LCT: variants seen among roughly 807,000 people sequenced by gnomAD.
LCT encodes lactase/phlorizin hydrolase.
Under a neutral mutation model 173.0 loss-of-function variants are expected in LCT, and 90 were observed. The ratio of observed to expected loss-of-function variants is 0.52; its 90% CI spans 0.44 to 0.62. The LOEUF (loss-of-function observed/expected upper bound fraction) is 0.62. Among genes scored for constraint, LCT ranks in the 20% least tolerant of loss-of-function variants. The pLI is 0.00. For missense variants in LCT, 1,864 were observed against 2,431.4 expected, an observed-to-expected ratio of 0.77 and a Z score of 4.91; for synonymous variants, 853 against 957.6, an observed-to-expected ratio of 0.89 and a Z score of 2.02.
At chr2:135,793,669 A>G (rs1284541828) in intron 14 of LCT, among the ~76,000 whole-genome samples, 1 of 152,252 alleles carries the variant, frequency 6.6e-6, no homozygotes, top group Non-Finnish European at 1.5e-5. Flanking sequence ...TGATTATTAA[A>G]CTACTCAAGG....
chr2:135,800,904 G>A, intron 11 of LCT, 95 bp from the exon 12 acceptor site: 1 of 960,626 alleles, frequency 1.0e-6, no homozygotes, highest in Non-Finnish European at 1.6e-6. Context: ...TCTGTGTTTG[G>A]GAGAAGGGGT....
At position 135,809,026 on chromosome 2, in the gene LCT, C is replaced by T. The variant is rs139647483; in HGVS notation, c.3321G>A (p.Thr1107=). Residue 1107 remains threonine, a synonymous_variant, in exon 8 of 17, where the codon ACG becomes ACA. Coordinates refer to ENST00000264162, the MANE Select transcript of LCT (RefSeq NM_002299.4). The surrounding 1 kb of genome is among the most constrained non-coding windows in gnomAD (Gnocchi z 5.5). ...GCTCCTGCCTGTATTTCTCATCGTACGTGTGATAGACTCTGGCATGGGCTT... is the reference window on the plus strand; with the variant it reads ...GCTCCTGCCTGTATTTCTCATCGTATGTGTGATAGACTCTGGCATGGGCTT... ...VIKAHARVYH[T]YDEKYRQEQK... The T allele has an allele frequency of 9.9e-6, 16 of 1,611,658 alleles. No homozygotes were observed. The highest frequency in any genetic ancestry group is 1.3e-5 in the African/African-American group (1 of 74,826).
chr2:135,817,387 C>T lies in LCT; in HGVS notation c.1661G>A (p.Gly554Asp). The change falls in exon 6 of 17, where the codon GGC becomes GAC. Residue 554 changes from glycine (G) to aspartate (D), a missense_variant. Transcript: ENST00000264162. ...GTCAGAGATGCCGGGAGGGTGCTGG[C>T]CGGTGCCATAGCCTGCGTAGCTCAT... ...WVMSYAGYGT[G>D]QHPPGISDPG... 1 of 1,614,094 alleles carries T rather than the reference C, an allele frequency of 6.2e-7. No individual in the cohort carries two copies. Among genetic ancestry groups the T allele is most frequent in the Non-Finnish European group, 8.5e-7 (1 of 1,179,980 alleles).
chr2:135,788,374 C>T lies in LCT; in HGVS notation c.5734G>A (p.Gly1912Arg). ...SYKYCKRSKQ[G>R]KTQRSQQELS... ...TCCTGTTGGCTTCGTTGTGTTTTCC[C>T]TTGCTTAGAGCGCTTGCAGTACTTG... The change falls in exon 17 of 17, where the codon GGG becomes AGG. Residue 1912 changes from glycine to arginine, a missense_variant. By Grantham distance (125) the Gly-to-Arg change is moderately radical. Transcript: ENST00000264162. 6.2e-7 allele frequency: 1 copy of T among 1,614,190 alleles called. No individual in the cohort carries two copies. The highest frequency in any genetic ancestry group is 8.5e-7 in the Non-Finnish European group (1 of 1,180,046).
In LCT at chr2:135,829,686, G is replaced by T; in HGVS notation, c.721-10C>A. 1 of 1,588,802 alleles carries T rather than the reference G, an allele frequency of 6.3e-7. No individual in the cohort carries two copies. Among genetic ancestry groups the T allele is most frequent in the Non-Finnish European group, 8.6e-7 (1 of 1,157,160 alleles). On this transcript the variant is annotated splice_polypyrimidine_tract_variant and intron_variant, in intron 2 of 16. Coordinates refer to ENST00000264162, the MANE Select transcript of LCT (RefSeq NM_002299.4). Reference sequence around the variant, plus strand: ...GGAAATCGACCGTGTCCTGAAAATAGTAGTTAAATAGGGTCATTAGAACCT... The same window carrying T: ...GGAAATCGACCGTGTCCTGAAAATATTAGTTAAATAGGGTCATTAGAACCT...
chr2:135,836,099 A>G (rs1445316491), intron 1 of LCT, among the ~76,000 whole-genome samples: 1 of 150,050 alleles, frequency 6.7e-6, no homozygotes, highest in Non-Finnish European at 1.5e-5. Context: ...GCTCACTGCA[A>G]CATCTGCCTC....
chr2:135,804,263 C>G, intron 10 of LCT, 135 bp from the exon 11 acceptor site: 1 of 769,202 alleles, frequency 1.3e-6, no homozygotes, highest in Non-Finnish European at 2.2e-6. Flanking sequence ...AGATTTTTTT[C>G]TTTTTCTTTT....
intron 5 of LCT, among the ~76,000 whole-genome samples, chr2:135,821,456 C>G (rs932274860): frequency 4.6e-5 from 7 of 152,122 alleles, no homozygotes; most frequent in Middle Eastern, 3.2e-3. Context: ...TATCTTTAAC[C>G]TGGCCACTCT....
chr2:135,809,664 T>C lies in LCT; in HGVS notation c.2683A>G (p.Arg895Gly). Residue 895 changes from arginine (R) to glycine (G), a missense_variant, in exon 8 of 17, where the codon AGA (arginine) becomes GGA (glycine). By Grantham distance (125) the Arg-to-Gly change is moderately radical. Coordinates refer to ENST00000264162, the MANE Select transcript of LCT (RefSeq NM_002299.4). This position sits in a 1 kb window ranked among gnomAD's most constrained non-coding sequence, Gnocchi z 5.5. Reference protein sequence around the residue: ...EKFSSQPKFERDLFYHGTFRD... With the variant: ...EKFSSQPKFEGDLFYHGTFRD... ...AACGTCCCGTGGTAGAACAAATCTC[T>C]TTCGAACTTGGGTTGGCTGGAGAAC... 1 of 1,614,036 alleles carries C rather than the reference T, an allele frequency of 6.2e-7. No homozygotes were observed. The highest frequency in any genetic ancestry group is 8.5e-7 in the Non-Finnish European group (1 of 1,179,870).
At position 135,797,658 on chromosome 2, in the gene LCT, A is replaced by C. The variant is rs80038021; in HGVS notation, c.4976+371T>G. Among the ~76,000 whole-genome samples the C allele has an allele frequency of 0.01, 1,569 of 152,274 alleles. 97 individuals carry two copies. In the East Asian group the frequency reaches 0.18, roughly 18 times the overall value. ...GGTAAGGAAGGACGCTTTGGTGCAG[A>C]CCATCGCCACCTGCTGGCCAAGTGA... is the stretch of plus-strand genomic sequence containing the variant. On this transcript the variant is annotated intron_variant, in intron 13 of 16. Coordinates refer to ENST00000264162, the MANE Select transcript of LCT (RefSeq NM_002299.4).
intron 8 of LCT, 50 bp downstream of exon 8, chr2:135,808,393 C>T (rs1477915788): frequency 7.0e-7 from 1 of 1,421,592 alleles, no homozygotes; most frequent in African/African-American, 1.4e-5. Context: ...AGGCATATGA[C>T]CCAGGGAATG....
rs748907176 is a variant in LCT, at chr2:135,817,774, G to A, written c.1274C>T (p.Thr425Met). Reference protein sequence around the residue: ...RPLNTTEGQATLEVASDSYHK... With the variant: ...RPLNTTEGQAMLEVASDSYHK... ...GTAACTGTCGCTGGCCACCTCCAGC[G>A]TCGCTTGGCCCTCAGTGGTGTTCAG... The change falls in exon 6 of 17, where the codon ACG becomes ATG. Residue 425 changes from threonine (T) to methionine (M), a missense_variant. By Grantham distance (81) the Thr-to-Met change is moderately conservative (BLOSUM62 -1). Transcript: ENST00000264162. 1.2e-5 allele frequency: 19 copies of A among 1,613,928 alleles called. No homozygotes were observed. The East Asian group carries it at 1.8e-4, about 15-fold the overall frequency.
In LCT at chr2:135,837,018, C is replaced by A. The variant is rs767941587; in HGVS notation, c.152G>T (p.Ser51Ile). ...HNLSGLLGDQ[S>I]SNFVAGDKDM... ...TTTGTCCCCTGCTACAAAGTTAGAACTCTGGTCTCCCAGGAGACCACTCAG... is the reference window on the plus strand; with the variant it reads ...TTTGTCCCCTGCTACAAAGTTAGAAATCTGGTCTCCCAGGAGACCACTCAG... Residue 51 changes from serine (S) to isoleucine (I), a missense_variant, in exon 1 of 17, where the codon AGT becomes ATT. Transcript: ENST00000264162. 2 of 1,614,092 alleles carry A rather than the reference C, an allele frequency of 1.2e-6. No homozygotes were observed. Among genetic ancestry groups the A allele is most frequent in the Non-Finnish European group, 1.7e-6 (2 of 1,180,008 alleles).
Position 135,809,469 on chromosome 2 carries a change from C to T in LCT, c.2878G>A (p.Asp960Asn), listed in dbSNP as rs763729737. 6.2e-7 allele frequency: 1 copy of T among 1,614,240 alleles called. No individual in the cohort carries two copies. Among genetic ancestry groups the T allele is most frequent in the South Asian group, 1.1e-5 (1 of 91,084 alleles). Reference sequence around the variant, plus strand: ...GCTCGGAGCATATTCAGATCGGCATCCAGCTGGTGATAGCTGTCACAGGCG... The same window carrying T: ...GCTCGGAGCATATTCAGATCGGCATTCAGCTGGTGATAGCTGTCACAGGCG... ...DIACDSYHQLDADLNMLRALK... is the reference protein window; with the variant it reads ...DIACDSYHQLNADLNMLRALK... Residue 960 changes from aspartate to asparagine, a missense_variant, in exon 8 of 17, where the codon GAT becomes AAT. This residue lies in a region of LCT where 755 missense variants were observed against 926.3 expected (regional missense o/e 0.82). Coordinates refer to ENST00000264162, the MANE Select transcript of LCT (RefSeq NM_002299.4). The surrounding 1 kb of genome is among the most constrained non-coding windows in gnomAD (Gnocchi z 5.5).
chr2:135,795,031 C>G (rs974150036), intron 13 of LCT, among the ~76,000 whole-genome samples: 1 of 79,248 alleles, frequency 1.3e-5, no homozygotes, highest in Non-Finnish European at 2.5e-5. Context: ...ACACACGCAC[C>G]CACGCGCGCG....
chr2:135,797,352 G>C (rs2077590277), intron 13 of LCT, among the ~76,000 whole-genome samples: 1 of 152,144 alleles, frequency 6.6e-6, no homozygotes, highest in Admixed American at 6.5e-5. Context: ...CAGCCTTGGA[G>C]CGGTGGGCAT....
chr2:135,808,374 A>G, intron 8 of LCT, 69 bp downstream of exon 8: 1 of 1,243,632 alleles, frequency 8.0e-7, no homozygotes, highest in Non-Finnish European at 1.2e-6. Flanking sequence ...CATCCCGGCA[A>G]AACATTTCAG....
intron 7 of LCT, among the ~76,000 whole-genome samples, chr2:135,810,635 G>A (rs1422453642): frequency 1.3e-5 from 2 of 151,524 alleles, no homozygotes; most frequent in African/African-American, 4.9e-5. Flanking sequence ...CCTTGTTTAT[G>A]TTTAGTAATA....
At chr2:135,828,934 T>C (rs1322953538) in intron 3 of LCT, among the ~76,000 whole-genome samples, 1 of 152,188 alleles carries the variant, frequency 6.6e-6, no homozygotes, top group Non-Finnish European at 1.5e-5. Context: ...CTCACGCCTG[T>C]AATCCCAACA....
Sources: allele counts gnomAD v4.1 joint callset (sites outside exome capture counted in the v4.1 genomes callset), GRCh38; gene constraint gnomAD v4.1.1; regional missense constraint gnomAD v4.1.1; non-coding constraint Gnocchi (gnomAD v3.1); transcripts MANE v1.5; gene names NCBI Gene and HGNC (gene_info 2026-07-23, HGNC 2026-07-21).